Variants in GRIK4 observed in about 807,000 individuals in gnomAD.
GRIK4 encodes glutamate receptor ionotropic, kainate 4.
In GRIK4, 40 loss-of-function variants were observed where a neutral mutation model predicts 104.9. The observed-to-expected ratio is 0.38, with a 90% confidence interval of 0.30 to 0.50. The LOEUF is 0.50. GRIK4 is among the 20% of genes least tolerant of loss of function. The pLI, the probability that GRIK4 is intolerant of heterozygous loss-of-function variation, is 0.93. For synonymous variants in GRIK4, 485 were observed against 524.9 expected (o/e 0.92, Z 1.04); for missense variants, 1,047 against 1,308.1 (o/e 0.80, Z 3.08).
chr11:120,661,711 G>T (rs1424446446), intron 3 of GRIK4, among the ~76,000 whole-genome samples: 2 of 152,144 alleles, frequency 1.3e-5, no homozygotes, highest in South Asian at 2.1e-4. Context: ...GAGCTGCTTC[G>T]TTTTACCTTG....
intron 8 of GRIK4, among the ~76,000 whole-genome samples, chr11:120,842,929 G>A (rs1261175621): frequency 6.6e-6 from 1 of 152,254 alleles, no homozygotes; most frequent in African/African-American, 2.4e-5. Flanking sequence ...AATCTGGAGG[G>A]ATTATCCAGC....
chr11:120,801,583 A>AT (rs1179706521), intron 3 of GRIK4, among the ~76,000 whole-genome samples: 1 of 152,102 alleles, frequency 6.6e-6, no homozygotes, highest in South Asian at 2.1e-4. Context: ...AGTACCTGTT[A>AT]TTTTTTATTG....
intron 3 of GRIK4, among the ~76,000 whole-genome samples, chr11:120,799,623 C>T (rs1300027558): frequency 1.3e-5 from 2 of 152,184 alleles, no homozygotes; most frequent in Non-Finnish European, 2.9e-5. Flanking sequence ...CTCTGACCTC[C>T]AATTCCTCGT....
intron 9 of GRIK4, chr11:120,873,393 AC>A (rs1954668248): frequency 6.7e-6 from 1 of 149,556 alleles, no homozygotes; most frequent in South Asian, 2.2e-4. Flanking sequence ...CCTCTTTGGA[AC>A]CCTCCCCAGG....
At chr11:120,820,409 C>T (rs969184975) in intron 6 of GRIK4, among the ~76,000 whole-genome samples, 2 of 152,194 alleles carry the variant, frequency 1.3e-5, no homozygotes, top group African/African-American at 4.8e-5. Context: ...GCTGATGGAA[C>T]AAGGTCCGAG....
chr11:120,551,133 A>G (rs1038013278), intron 1 of GRIK4, among the ~76,000 whole-genome samples: 1 of 152,074 alleles, frequency 6.6e-6, no homozygotes, highest in African/African-American at 2.4e-5. Context: ...ACATGGAGGG[A>G]GGGCAGAGAA....
intron 6 of GRIK4, among the ~76,000 whole-genome samples, chr11:120,822,988 G>A (rs760786267): frequency 5.9e-5 from 9 of 152,190 alleles, no homozygotes; most frequent in Admixed American, 1.3e-4. Flanking sequence ...TCCTCCTGTG[G>A]TGCCCTTGGA....
intron 3 of GRIK4, among the ~76,000 whole-genome samples, chr11:120,667,974 T>C (rs933305588): frequency 2.0e-5 from 3 of 152,118 alleles, no homozygotes; most frequent in Non-Finnish European, 2.9e-5. Flanking sequence ...TCCCAGCTAC[T>C]TGGGAGGCTG....
At chr11:120,945,159 C>T (rs1480018868) in intron 14 of GRIK4, among the ~76,000 whole-genome samples, 2 of 152,154 alleles carry the variant, frequency 1.3e-5, no homozygotes, top group Non-Finnish European at 2.9e-5. Context: ...CAGGTCAGCC[C>T]CTTCCTGCCT....
At chr11:120,910,524 G>A (rs1175730800) in intron 13 of GRIK4, among the ~76,000 whole-genome samples, 1 of 152,336 alleles carries the variant, frequency 6.6e-6, no homozygotes, top group Admixed American at 6.5e-5. Context: ...AGCTAAGCCC[G>A]CAGAAGGACT....
At chr11:120,857,376 T>G (rs777824396) in intron 8 of GRIK4, among the ~76,000 whole-genome samples, 1 of 152,206 alleles carries the variant, frequency 6.6e-6, no homozygotes, top group Non-Finnish European at 1.5e-5. Flanking sequence ...CCGTGAAGCA[T>G]TCCTTCATCT....
At chr11:120,602,922 C>T (rs117483561) in intron 1 of GRIK4, among the ~76,000 whole-genome samples, 4 of 152,140 alleles carry the variant, frequency 2.6e-5, no homozygotes, top group African/African-American at 9.7e-5. Context: ...AGGTTGGTCT[C>T]GAACTCCTGG....
rs762543001 is a variant in GRIK4, at chr11:120,741,275, CTTTTTTTTTTTTTT to C, written c.83-61408_83-61395del. 6.4e-4 allele frequency among the ~76,000 whole-genome samples: 68 copies of C among 106,888 alleles called. 1 individual carries two copies. Among genetic ancestry groups the C allele is most frequent in the Non-Finnish European group, 3.2e-4 (17 of 52,708 alleles). 70.1% of individuals were successfully genotyped at this position (106,888 alleles called of 152,430 possible). On this transcript the variant is annotated intron_variant, in intron 3 of 20. Coordinates refer to ENST00000527524, the MANE Select transcript of GRIK4 (RefSeq NM_014619.5). ...AGTGGCAGAACAGGCCGTGTGCTTT[CTTTTTTTTTTTTTT>C]TTTTTTTTTGAGACGGAGTCTCACT...
intron 3 of GRIK4, among the ~76,000 whole-genome samples, chr11:120,700,369 G>T (rs1269770611): frequency 6.6e-6 from 1 of 151,474 alleles, no homozygotes; most frequent in African/African-American, 2.4e-5. Flanking sequence ...TGCCTCCTGG[G>T]TTCAAGCGAT....
intron 3 of GRIK4, among the ~76,000 whole-genome samples, chr11:120,740,449 G>A (rs900056067): frequency 1.3e-5 from 2 of 152,282 alleles, no homozygotes; most frequent in East Asian, 1.9e-4. Context: ...ACAGGAACCT[G>A]CTGACCCCAC....
At chr11:120,768,383 A>G (rs906265726) in intron 3 of GRIK4, among the ~76,000 whole-genome samples, 3 of 151,950 alleles carry the variant, frequency 2.0e-5, no homozygotes, top group Non-Finnish European at 4.4e-5. Context: ...AATGCCGCTG[A>G]TTTTTGTTTA....
chr11:120,670,563 G>C (rs1465574368), intron 3 of GRIK4, among the ~76,000 whole-genome samples: 1 of 152,216 alleles, frequency 6.6e-6, no homozygotes, highest in Non-Finnish European at 1.5e-5. Flanking sequence ...CACACCTGCT[G>C]TGCCCTCTGC....
intron 3 of GRIK4, among the ~76,000 whole-genome samples, chr11:120,742,912 C>T (rs781414786): frequency 5.3e-5 from 8 of 152,268 alleles, no homozygotes; most frequent in Non-Finnish European, 1.0e-4. Context: ...GGTACATATA[C>T]ACCATGGAAT....
intron 1 of GRIK4, among the ~76,000 whole-genome samples, chr11:120,649,545 C>T (rs963661034): frequency 2.0e-5 from 3 of 152,148 alleles, no homozygotes; most frequent in African/African-American, 2.4e-5. Context: ...ACCTGAGTAC[C>T]GTCACCTGGG....
Sources: allele counts gnomAD v4.1 joint callset (sites outside exome capture counted in the v4.1 genomes callset), GRCh38; gene constraint gnomAD v4.1.1; transcripts MANE v1.5; gene names NCBI Gene and HGNC (gene_info 2026-07-23, HGNC 2026-07-21).